Variants in AGMO observed in about 807,000 individuals in gnomAD.
AGMO encodes the protein glyceryl-ether monooxygenase.
In AGMO, 75 loss-of-function variants were observed where a neutral mutation model predicts 60.2. The observed-to-expected ratio is 1.25, with a 90% confidence interval of 1.03 to 1.51. The LOEUF (loss-of-function observed/expected upper bound fraction) is 1.51. Ranked by LOEUF, AGMO falls within the 40% of genes most tolerant of loss-of-function variation. The pLI, the probability that AGMO is intolerant of heterozygous loss-of-function variation, is 0.00. For missense variants in AGMO, 763 were observed against 525.5 expected, an observed-to-expected ratio of 1.45 and a Z score of -4.42; for synonymous variants, 261 against 177.1, an observed-to-expected ratio of 1.47 and a Z score of -3.76.
chr7:15,242,720 C>A (rs1782628425), intron 12 of AGMO, among the ~76,000 whole-genome samples: 1 of 152,026 alleles, frequency 6.6e-6, no homozygotes. Flanking sequence ...TACCACTTTC[C>A]CCACTGCTGA....
chr7:15,214,351 A>C (rs188523123), intron 12 of AGMO, among the ~76,000 whole-genome samples: 2 of 152,170 alleles, frequency 1.3e-5, no homozygotes, highest in East Asian at 3.9e-4. Flanking sequence ...GGCTAAGTAA[A>C]AGCAAAAGAG....
chr7:15,467,164 A>G (rs2389409), intron 3 of AGMO, among the ~76,000 whole-genome samples: 73,673 of 151,888 alleles, frequency 0.49, 18,421 homozygotes, highest in African/African-American at 0.55. Context: ...TATATGGAAA[A>G]CGCAATCCAG....
chr7:15,194,165 C>T, the AGMO span, among the ~76,000 whole-genome samples: 3 of 152,018 alleles, frequency 2.0e-5, no homozygotes. Flanking sequence ...AAGTGTTTCA[C>T]ATTTGATGGG....
intron 5 of AGMO, chr7:15,396,682 A>G (rs1159594054): frequency 1.3e-5 from 2 of 148,568 alleles, no homozygotes; most frequent in Non-Finnish European, 3.0e-5. Flanking sequence ...GGTCCACTTT[A>G]CAGAGAGCTG....
At chr7:15,328,392 C>G (rs912886295) in intron 12 of AGMO, among the ~76,000 whole-genome samples, 1 of 152,130 alleles carries the variant, frequency 6.6e-6, no homozygotes, top group African/African-American at 2.4e-5. Flanking sequence ...CCACCACGCC[C>G]AGCCTGATTT....
At chr7:15,555,551 T>C (rs1306346305) in intron 2 of AGMO, among the ~76,000 whole-genome samples, 1 of 151,938 alleles carries the variant, frequency 6.6e-6, no homozygotes, top group African/African-American at 2.4e-5. Context: ...TGCGTACTAC[T>C]AGTTATTATT....
Position 15,235,272 on chromosome 7 carries a change from T to C in AGMO, c.1264-33913A>G, listed in dbSNP as rs73679454. Among the ~76,000 whole-genome samples the C allele has an allele frequency of 3.2e-3, 488 of 152,272 alleles. 1 individual carries two copies. Among genetic ancestry groups the C allele is most frequent in the African/African-American group, 8.9e-3 (372 of 41,566 alleles). ...TTATGTACACACACTGTCTTCCCCA[T>C]TGGCGCTTTCCTTAATGAAGACAAA... On this transcript the variant is annotated intron_variant, in intron 12 of 12. Coordinates refer to ENST00000342526, the MANE Select transcript of AGMO (RefSeq NM_001004320.2).
the AGMO span, among the ~76,000 whole-genome samples, chr7:15,182,002 T>C: frequency 1.3e-5 from 2 of 152,182 alleles, no homozygotes; most frequent in South Asian, 2.1e-4. Context: ...CAGAATTTGG[T>C]ATATACATCA....
intron 12 of AGMO, among the ~76,000 whole-genome samples, chr7:15,273,997 A>C (rs993745731): frequency 1.3e-5 from 2 of 152,132 alleles, no homozygotes. Context: ...TGCTGAAGTT[A>C]CTTATCAGCT....
intron 2 of AGMO, among the ~76,000 whole-genome samples, chr7:15,555,078 A>G (rs556209657): frequency 6.6e-6 from 1 of 151,980 alleles, no homozygotes; most frequent in Non-Finnish European, 1.5e-5. Flanking sequence ...CTGCCAATTT[A>G]TATTATTCCA....
chr7:15,379,121 G>T (rs996754873), intron 10 of AGMO, among the ~76,000 whole-genome samples: 1 of 152,084 alleles, frequency 6.6e-6, no homozygotes, highest in African/African-American at 2.4e-5. Context: ...AGCTAAGGCA[G>T]TGTTAAGAGA....
intron 12 of AGMO, among the ~76,000 whole-genome samples, chr7:15,299,743 G>A (rs1035205226): frequency 1.3e-5 from 2 of 151,646 alleles, no homozygotes; most frequent in Non-Finnish European, 2.9e-5. Flanking sequence ...CAGGAGAATT[G>A]CTCGAACCCG....
chr7:15,207,999 C>T (rs1200329084), intron 12 of AGMO, among the ~76,000 whole-genome samples: 1 of 152,062 alleles, frequency 6.6e-6, no homozygotes, highest in Non-Finnish European at 1.5e-5. Context: ...ACAACTAACA[C>T]ACAGAGAAAA....
rs71004370 is a variant in AGMO, at chr7:15,202,458, CAAAAAAAAAAAAAAAA to C, written c.1264-1115_1264-1100del. Among the ~76,000 whole-genome samples, 35 of 45,376 alleles carry C rather than the reference CAAAAAAAAAAAAAAAA, an allele frequency of 7.7e-4. 1 individual carries two copies. Among genetic ancestry groups the C allele is most frequent in the Admixed American group, 6.2e-4 (2 of 3,206 alleles). The allele number at this position is 45,376 out of a possible 152,430, so 29.8% of individuals were successfully genotyped here. On this transcript the variant is annotated intron_variant, in intron 12 of 12. Transcript: ENST00000342526. ...CACCAACAACCAAAATACAAATGAG[CAAAAAAAAAAAAAAAA>C]AAAAAAAAAAAAAAACCCTCCCAAA...
intron 10 of AGMO, among the ~76,000 whole-genome samples, chr7:15,382,460 G>C (rs1783731692): frequency 6.6e-6 from 1 of 152,124 alleles, no homozygotes; most frequent in South Asian, 2.1e-4. Flanking sequence ...TTTAGTGTGG[G>C]CATGTCCTGA....
intron 3 of AGMO, among the ~76,000 whole-genome samples, chr7:15,474,682 C>A (rs1438340667): frequency 6.6e-6 from 1 of 151,970 alleles, no homozygotes; most frequent in African/African-American, 2.4e-5. Context: ...GCAACAAAAG[C>A]CAAAATTGAC....
At chr7:15,492,187 AAC>A (rs776894971) in intron 3 of AGMO, among the ~76,000 whole-genome samples, 12 of 152,118 alleles carry the variant, frequency 7.9e-5, no homozygotes, top group Non-Finnish European at 1.5e-4. Context: ...GGTTTGGCAT[AAC>A]ACAGCTAGAA....
chr7:15,155,643 T>C, the AGMO span, among the ~76,000 whole-genome samples: 5 of 152,058 alleles, frequency 3.3e-5, no homozygotes, highest in Admixed American at 3.3e-4. Flanking sequence ...ATTTAATCTA[T>C]TTCAATCTGG....
chr7:15,173,613 G>C, the AGMO span, among the ~76,000 whole-genome samples: 1 of 151,816 alleles, frequency 6.6e-6, no homozygotes, highest in Non-Finnish European at 1.5e-5. Context: ...ATATAAAATA[G>C]GTAAGGATAA....
Sources: allele counts gnomAD v4.1 joint callset (sites outside exome capture counted in the v4.1 genomes callset), GRCh38; gene constraint gnomAD v4.1.1; transcripts MANE v1.5; gene names NCBI Gene and HGNC (gene_info 2026-07-23, HGNC 2026-07-21).